IQSEC1: variants seen among roughly 807,000 people sequenced by gnomAD.
IQSEC1 encodes the protein IQ motif and SEC7 domain-containing protein 1.
A neutral mutation model predicts 91.0 loss-of-function variants in IQSEC1; 31 were observed. The observed-to-expected ratio is 0.34, with a 90% CI of 0.26 to 0.46. The LOEUF is 0.46. Ranked by LOEUF, IQSEC1 falls within the 20% of genes least tolerant of loss-of-function variation. IQSEC1 has a pLI of 1.00. For missense variants in IQSEC1, 1,388 were observed against 1,575.6 expected (o/e 0.88, Z 2.02); for synonymous variants, 699 against 662.6 (o/e 1.05, Z -0.84).
chr3:13,080,038 G>A lies in IQSEC1; in HGVS notation c.303-32516C>T, dbSNP rs369753818. Among the ~76,000 whole-genome samples the A allele has an allele frequency of 4.7e-4, 71 of 152,344 alleles. 1 individual carries two copies. The South Asian group carries it at 9.8e-3, about 21-fold the overall frequency. ...GCATGGAAAGGTATTGCTTGCAGAT[G>A]GAACAACATGTGCAGAGGCTTGGAG... On this transcript the variant is annotated intron_variant, in intron 2 of 15. Transcript: ENST00000648114.
intron 1 of IQSEC1, among the ~76,000 whole-genome samples, chr3:13,012,320 T>C (rs1170240221): frequency 6.6e-6 from 1 of 152,172 alleles, no homozygotes; most frequent in African/African-American, 2.4e-5. Flanking sequence ...GGCTACCTCC[T>C]CCATTGCTCC....
intron 1 of IQSEC1, among the ~76,000 whole-genome samples, chr3:13,050,889 T>C (rs1203452931): frequency 6.6e-6 from 1 of 152,184 alleles, no homozygotes; most frequent in Non-Finnish European, 1.5e-5. Context: ...ACAAATAAAA[T>C]ATATTATGTT....
At chr3:13,212,727 G>A (rs1301126001) in intron 1 of IQSEC1, among the ~76,000 whole-genome samples, 4 of 152,148 alleles carry the variant, frequency 2.6e-5, no homozygotes, top group Non-Finnish European at 5.9e-5. Flanking sequence ...TGGTGGTAGC[G>A]GCACCTCCTT....
chr3:13,115,381 T>C (rs921082975), intron 2 of IQSEC1, among the ~76,000 whole-genome samples: 1 of 152,342 alleles, frequency 6.6e-6, no homozygotes. Flanking sequence ...ACTGAGTTGC[T>C]GTGTCCCTCT....
chr3:12,930,979 C>T lies in IQSEC1; in HGVS notation c.1568+4469G>A, dbSNP rs138568848. ...GCCACTTCCAGCCTTTCCCACACTG[C>T]CAGGGCCAGCAAGCTCGCCACCTCC... is the stretch of plus-strand genomic sequence containing the variant. On this transcript the variant is annotated intron_variant, in intron 3 of 13. Transcript: ENST00000613206. 5.6e-3 allele frequency among the ~76,000 whole-genome samples: 857 copies of T among 152,280 alleles called. 8 individuals are homozygous for T. Among genetic ancestry groups the T allele is most frequent in the African/African-American group, 0.019 (774 of 41,538 alleles).
At chr3:12,916,172 G>A (rs1373283903) in intron 6 of IQSEC1, among the ~76,000 whole-genome samples, 1 of 152,164 alleles carries the variant, frequency 6.6e-6, no homozygotes, top group Non-Finnish European at 1.5e-5. Context: ...ACCCTTACTA[G>A]CTGTGTGACT....
chr3:13,129,782 C>G (rs1414406500), intron 2 of IQSEC1, among the ~76,000 whole-genome samples: 1 of 151,052 alleles, frequency 6.6e-6, no homozygotes, highest in Non-Finnish European at 1.5e-5. Context: ...CTCAGCCTCC[C>G]GAGTAGCTGG....
At chr3:13,000,705 G>A (rs1702384775) in intron 1 of IQSEC1, among the ~76,000 whole-genome samples, 1 of 152,204 alleles carries the variant, frequency 6.6e-6, no homozygotes, top group Non-Finnish European at 1.5e-5. Context: ...CTGCCCTGCT[G>A]GGGAGAGTAG....
chr3:13,151,109 C>T (rs78340670), intron 2 of IQSEC1, among the ~76,000 whole-genome samples: 1 of 152,234 alleles, frequency 6.6e-6, no homozygotes, highest in Non-Finnish European at 1.5e-5. Flanking sequence ...GAAGTCGACA[C>T]AAATCACTTC....
At chr3:12,991,525 C>T (rs1701989894) in intron 1 of IQSEC1, among the ~76,000 whole-genome samples, 1 of 152,106 alleles carries the variant, frequency 6.6e-6, no homozygotes, top group Admixed American at 6.5e-5. Flanking sequence ...GAGCAGCCCC[C>T]CACTCCCCAC....
chr3:13,216,975 A>G, intron 1 of IQSEC1, among the ~76,000 whole-genome samples: 1 of 152,210 alleles, frequency 6.6e-6, no homozygotes, highest in Non-Finnish European at 1.5e-5. Context: ...TGCAAAACTT[A>G]GCTGATGACA....
chr3:13,045,069 A>G (rs1164883958), intron 1 of IQSEC1, among the ~76,000 whole-genome samples: 1 of 152,198 alleles, frequency 6.6e-6, no homozygotes, highest in African/African-American at 2.4e-5. Flanking sequence ...CCAAGGCAAG[A>G]TGGCAGGATG....
chr3:13,111,841 C>A (rs1706251497), intron 2 of IQSEC1, among the ~76,000 whole-genome samples: 1 of 152,216 alleles, frequency 6.6e-6, no homozygotes, highest in Non-Finnish European at 1.5e-5. Flanking sequence ...TGATCTTGGA[C>A]TTTCAGCCTC....
Position 12,908,764 on chromosome 3 carries a change from T to G in IQSEC1, c.2579-239A>C, listed in dbSNP as rs554281939. Among the ~76,000 whole-genome samples the G allele has an allele frequency of 2.0e-5, 3 of 152,086 alleles. No homozygotes were observed. The highest frequency in any genetic ancestry group is 7.2e-5 in the African/African-American group (3 of 41,492). On this transcript the variant is annotated intron_variant, in intron 11 of 13. Transcript: ENST00000613206. The surrounding 1 kb of genome is among the most constrained non-coding windows in gnomAD (Gnocchi z 4.9). The stretch of plus-strand genomic sequence containing the variant: ...TGACCTGCAGGAAGGATAGTCACCT[T>G]CCAGGCTCGGGAGTGGACAGGGAGG...
intron 1 of IQSEC1, among the ~76,000 whole-genome samples, chr3:13,186,280 C>T (rs1693930657): frequency 1.3e-5 from 2 of 152,174 alleles, no homozygotes. Context: ...GGTGGAAGCT[C>T]TGTAAATATT....
At chr3:13,278,958 T>C (rs1044450185) in intron 1 of IQSEC1, among the ~76,000 whole-genome samples, 2 of 152,052 alleles carry the variant, frequency 1.3e-5, no homozygotes, top group African/African-American at 2.4e-5. Flanking sequence ...AGGTTCCACA[T>C]CTATAAAATG....
chr3:13,200,172 CACAT>C (rs1401187951), intron 1 of IQSEC1, among the ~76,000 whole-genome samples: 1 of 151,786 alleles, frequency 6.6e-6, no homozygotes. Flanking sequence ...CACATACACA[CACAT>C]ACAACACACA....
At chr3:13,007,851 G>A (rs755468479) in intron 1 of IQSEC1, among the ~76,000 whole-genome samples, 54 of 148,556 alleles carry the variant, frequency 3.6e-4, no homozygotes, top group African/African-American at 1.2e-3. Context: ...GGCCCCACCC[G>A]TACCCCGCCC....
chr3:13,228,309 G>A lies in IQSEC1; in HGVS notation c.272+54402C>T, dbSNP rs187227769. On this transcript the variant is annotated intron_variant, in intron 1 of 15. Coordinates refer to the IQSEC1 transcript ENST00000648114. The stretch of plus-strand genomic sequence containing the variant: ...ACTAAAGATCCCCATTTACCAGACC[G>A]GAAACAAAGGAGCAGGGGAAGGAAG... Among the ~76,000 whole-genome samples, 350 of 152,192 alleles carry A rather than the reference G, an allele frequency of 2.3e-3. 1 individual carries two copies. The highest frequency in any genetic ancestry group is 6.1e-3 in the Admixed American group (93 of 15,288).
Sources: gnomAD v4.1 joint callset for allele counts (sites outside exome capture counted in the v4.1 genomes callset) on GRCh38, gnomAD v4.1.1 for gene constraint, Gnocchi (gnomAD v3.1) non-coding constraint, MANE v1.5 for transcripts, NCBI Gene and HGNC (gene_info 2026-07-23, HGNC 2026-07-21) for gene names.